Variants in DERA observed in about 807,000 individuals in gnomAD.
The protein encoded by DERA is deoxyribose-phosphate aldolase, also known as 2-deoxy-D-ribose 5-phosphate aldolase.
DERA carries 15 observed loss-of-function variants against 41.1 expected under a neutral mutation model. The ratio of observed to expected loss-of-function variants is 0.37; its 90% CI spans 0.24 to 0.56. The LOEUF (loss-of-function observed/expected upper bound fraction) is 0.56. DERA is among the 20% of genes least tolerant of loss of function. The pLI, the probability that DERA is intolerant of heterozygous loss-of-function variation, is 0.81. For missense variants in DERA, 396 were observed against 403.4 expected (o/e 0.98, Z 0.16); for synonymous variants, 139 against 137.4 (o/e 1.01, Z -0.08).
chr12:15,942,449 A>G (rs1948415470), intron 1 of DERA, among the ~76,000 whole-genome samples: 1 of 152,212 alleles, frequency 6.6e-6, no homozygotes, highest in Non-Finnish European at 1.5e-5. Flanking sequence ...GCTAACATCC[A>G]GAAGAGTTTT....
In DERA at chr12:15,936,886, TTGTCCTGTCCTGTCC is replaced by T. The variant is rs71438363; in HGVS notation, c.32-20015_32-20001del. On this transcript the variant is annotated intron_variant, in intron 1 of 8. Coordinates refer to ENST00000428559, the MANE Select transcript of DERA (RefSeq NM_015954.4). This position sits in a 1 kb window ranked among gnomAD's most constrained non-coding sequence, Gnocchi z 4.6. ...TTGTCTTGTCTTGTCTTGTCTTGTC[TTGTCCTGTCCTGTCC>T]TGTCCTGTCCTGTCCTGTCCTGTCC... Among the ~76,000 whole-genome samples the T allele has an allele frequency of 2.0e-3, 279 of 136,922 alleles. No homozygotes were observed. Among genetic ancestry groups the T allele is most frequent in the Non-Finnish European group, 3.5e-3 (234 of 65,962 alleles). The allele number at this position is 136,922 out of a possible 152,430, so 89.8% of individuals were successfully genotyped here. A position where few individuals can be genotyped will look rare whatever the true frequency, so the allele number is the denominator to read the frequency against.
At position 16,017,351 on chromosome 12, in the gene DERA, A is replaced by G. The variant is rs1468236144; in HGVS notation, c.638-15191A>G. Reference sequence around the variant, plus strand: ...CCGACAGAGAATTACTCTGTAGCTCACTATTCAGATTGGAAGAAAGCACTG... The same window carrying G: ...CCGACAGAGAATTACTCTGTAGCTCGCTATTCAGATTGGAAGAAAGCACTG... On this transcript the variant is annotated intron_variant, in intron 6 of 8. Coordinates refer to ENST00000428559, the MANE Select transcript of DERA (RefSeq NM_015954.4). The surrounding 1 kb of genome is among the most constrained non-coding windows in gnomAD (Gnocchi z 5.5). Among the ~76,000 whole-genome samples the G allele has an allele frequency of 6.6e-6, 1 of 152,204 alleles. No individual in the cohort carries two copies. Among genetic ancestry groups the G allele is most frequent in the Non-Finnish European group, 1.5e-5 (1 of 68,034 alleles).
rs1020458294 is a variant in DERA, at chr12:16,012,074, A to G, written c.638-20468A>G. Among the ~76,000 whole-genome samples, 1 of 152,242 alleles carries G rather than the reference A, an allele frequency of 6.6e-6. No individual in the cohort carries two copies. The highest frequency in any genetic ancestry group is 2.4e-5 in the African/African-American group (1 of 41,476). ...AAAAGGGGCAGAGTTTGGTAAAGAA[A>G]AGCCTTGTCTTGTACACTGCTGTGT... On this transcript the variant is annotated intron_variant, in intron 6 of 8. Coordinates refer to ENST00000428559, the MANE Select transcript of DERA (RefSeq NM_015954.4). This position sits in a 1 kb window ranked among gnomAD's most constrained non-coding sequence, Gnocchi z 4.1.
At chr12:15,997,978 C>T (rs1027144140) in intron 6 of DERA, among the ~76,000 whole-genome samples, 3 of 152,188 alleles carry the variant, frequency 2.0e-5, no homozygotes, top group Non-Finnish European at 1.5e-5. Context: ...TCAAACCTCT[C>T]ATTTTAAAGG....
Position 15,985,986 on chromosome 12 carries a change from C to G in DERA, c.637+3550C>G. On this transcript the variant is annotated intron_variant, in intron 6 of 8. Coordinates refer to ENST00000428559, the MANE Select transcript of DERA (RefSeq NM_015954.4). This position sits in a 1 kb window ranked among gnomAD's most constrained non-coding sequence, Gnocchi z 4.2. Reference sequence around the variant, plus strand: ...CATGATTGTGGATTTGTCTGGTTATCCCTTTCGTCTGTCAGTTTTTTCATC... The same window carrying G: ...CATGATTGTGGATTTGTCTGGTTATGCCTTTCGTCTGTCAGTTTTTTCATC... Among the ~76,000 whole-genome samples the G allele has an allele frequency of 6.6e-6, 1 of 152,016 alleles. No homozygotes were observed. The highest frequency in any genetic ancestry group is 1.9e-4 in the East Asian group (1 of 5,178).
intron 6 of DERA, among the ~76,000 whole-genome samples, chr12:15,987,839 A>G (rs998119875): frequency 3.3e-5 from 5 of 152,020 alleles, no homozygotes; most frequent in Admixed American, 3.3e-4. Flanking sequence ...GGCAGGCTGC[A>G]CTTGGCTCAC....
At position 15,966,942 on chromosome 12, in the gene DERA, C is replaced by T. The variant is rs1252280655; in HGVS notation, c.508+3995C>T. 2.0e-5 allele frequency among the ~76,000 whole-genome samples: 3 copies of T among 152,128 alleles called. No individual in the cohort carries two copies. Among genetic ancestry groups the T allele is most frequent in the South Asian group, 4.1e-4 (2 of 4,830 alleles). ...ACCCGGGGCCACCTGCTCCAGAACT[C>T]GTATTCCGTTGTATCACTACACCAT... On this transcript the variant is annotated intron_variant, in intron 5 of 8. Coordinates refer to ENST00000428559, the MANE Select transcript of DERA (RefSeq NM_015954.4). This position sits in a 1 kb window ranked among gnomAD's most constrained non-coding sequence, Gnocchi z 5.1.
intron 1 of DERA, among the ~76,000 whole-genome samples, chr12:15,942,923 C>T (rs897935234): frequency 1.3e-5 from 2 of 152,304 alleles, no homozygotes; most frequent in Admixed American, 1.3e-4. Flanking sequence ...ATAAACCAGG[C>T]TTGTCTTGGG....
chr12:15,956,700 C>T, intron 1 of DERA: 1 of 568,040 alleles, frequency 1.8e-6, no homozygotes, highest in Non-Finnish European at 3.3e-6. Flanking sequence ...GGTACAGAAG[C>T]AATTGTGGTT....
chr12:15,983,018 G>C lies in DERA; in HGVS notation c.637+582G>C, dbSNP rs1868805. 0.66 allele frequency among the ~76,000 whole-genome samples: 99,788 copies of C among 151,970 alleles called. 33,222 individuals are homozygous for C. Among genetic ancestry groups the C allele is most frequent in the East Asian group, 0.93 (4,789 of 5,152 alleles). ...TTCTCACCTCACATAAATCAGTGAA[G>C]AAGCCTTGAGAGTTCTCTCTAGACC... On this transcript the variant is annotated intron_variant, in intron 6 of 8. Transcript: ENST00000428559. This position sits in a 1 kb window ranked among gnomAD's most constrained non-coding sequence, Gnocchi z 6.2.
rs1565613828 is a variant in DERA at position 16,012,514 on chromosome 12, C to T, written c.638-20028C>T. Among the ~76,000 whole-genome samples the T allele has an allele frequency of 6.6e-6, 1 of 152,188 alleles. No homozygotes were observed. The highest frequency in any genetic ancestry group is 1.5e-5 in the Non-Finnish European group (1 of 68,048). ...TTTCTAAGGAGGGCAGGTTGAGTTA[C>T]TTACAGATCTTTTGCATTGCTGAGT... On this transcript the variant is annotated intron_variant, in intron 6 of 8. Transcript: ENST00000428559. This position sits in a 1 kb window ranked among gnomAD's most constrained non-coding sequence, Gnocchi z 4.1.
At chr12:15,912,067 G>A (rs952240185) in intron 1 of DERA, among the ~76,000 whole-genome samples, 3 of 151,560 alleles carry the variant, frequency 2.0e-5, no homozygotes, top group African/African-American at 7.3e-5. Context: ...TCTCGCAGAG[G>A]GGGATTTGGC....
intron 1 of DERA, among the ~76,000 whole-genome samples, chr12:15,930,546 A>T (rs894404860): frequency 6.6e-5 from 10 of 152,312 alleles, no homozygotes; most frequent in Middle Eastern, 3.4e-3. Flanking sequence ...ATAAATAATC[A>T]TAGACAAGTG....
rs1948861578 is a variant in DERA at position 15,999,663 on chromosome 12, A to G, written c.637+17227A>G. On this transcript the variant is annotated intron_variant, in intron 6 of 8. Coordinates refer to ENST00000428559, the MANE Select transcript of DERA (RefSeq NM_015954.4). This position sits in a 1 kb window ranked among gnomAD's most constrained non-coding sequence, Gnocchi z 5.3. ...TGGCAGAAGAGGTGGGGATGAAGCT[A>G]GTAAATAGCTTGGAGTTTAAGGCCA... 6.6e-6 allele frequency among the ~76,000 whole-genome samples: 1 copy of G among 152,190 alleles called. No individual in the cohort carries two copies. Among genetic ancestry groups the G allele is most frequent in the South Asian group, 2.1e-4 (1 of 4,834 alleles).
Position 15,928,142 on chromosome 12 carries a change from T to C in DERA, c.31+16728T>C, listed in dbSNP as rs780165638. 6.6e-5 allele frequency among the ~76,000 whole-genome samples: 10 copies of C among 152,230 alleles called. No homozygotes were observed. The highest frequency in any genetic ancestry group is 1.3e-4 in the Non-Finnish European group (9 of 68,034). ...ACATACTTAGTTTTTGTGTTGAGAATGTCTGAAATTTACTCTCTTAGCCGT... is the reference window on the plus strand; with the variant it reads ...ACATACTTAGTTTTTGTGTTGAGAACGTCTGAAATTTACTCTCTTAGCCGT... On this transcript the variant is annotated intron_variant, in intron 1 of 8. Transcript: ENST00000428559. The surrounding 1 kb of genome is among the most constrained non-coding windows in gnomAD (Gnocchi z 4.6).
chr12:15,926,409 C>G (rs1395680077), intron 1 of DERA, among the ~76,000 whole-genome samples: 2 of 152,098 alleles, frequency 1.3e-5, no homozygotes, highest in East Asian at 1.9e-4. Context: ...ATTTCCACTT[C>G]AGATATGGTA....
rs1948252311 is a variant in DERA at position 15,922,661 on chromosome 12, A to C, written c.31+11247A>C. ...TTAGGTATCCTGTGGAAAGAATGTC[A>C]GGGAATGTGTACCTGCCCATTTGTG... is the stretch of plus-strand genomic sequence containing the variant. On this transcript the variant is annotated intron_variant, in intron 1 of 8. Transcript: ENST00000428559. This position sits in a 1 kb window ranked among gnomAD's most constrained non-coding sequence, Gnocchi z 4.9. Among the ~76,000 whole-genome samples the C allele has an allele frequency of 1.3e-5, 2 of 152,334 alleles. No homozygotes were observed. Among genetic ancestry groups the C allele is most frequent in the South Asian group, 4.1e-4 (2 of 4,832 alleles).
Position 15,959,707 on chromosome 12 carries a change from G to A in DERA, c.278-122G>A. On this transcript the variant is annotated intron_variant, in intron 3 of 8. Coordinates refer to ENST00000428559, the MANE Select transcript of DERA (RefSeq NM_015954.4). The surrounding 1 kb of genome is among the most constrained non-coding windows in gnomAD (Gnocchi z 4.5). Reference sequence around the variant, plus strand: ...AAATCTTTTAATTTATTGCAGTATTGTGGGGGAATTATTTTTTTCTCATTT... The same window carrying A: ...AAATCTTTTAATTTATTGCAGTATTATGGGGGAATTATTTTTTTCTCATTT... The A allele has an allele frequency of 8.3e-6, 5 of 600,718 alleles. No homozygotes were observed. In the South Asian group the frequency reaches 1.2e-4, roughly 15 times the overall value. 37.2% of individuals were successfully genotyped at this position (600,718 alleles called of 1,614,324 possible).
At chr12:15,919,568 G>A (rs1948226347) in intron 1 of DERA, among the ~76,000 whole-genome samples, 2 of 152,214 alleles carry the variant, frequency 1.3e-5, no homozygotes, top group Non-Finnish European at 2.9e-5. Context: ...GATGTGTGTT[G>A]TGTATGTGTC....
Sources: gnomAD v4.1 joint callset for allele counts (sites outside exome capture counted in the v4.1 genomes callset) on GRCh38, gnomAD v4.1.1 for gene constraint, Gnocchi (gnomAD v3.1) non-coding constraint, MANE v1.5 for transcripts, NCBI Gene and HGNC (gene_info 2026-07-23, HGNC 2026-07-21) for gene names.